AFAP1: variants seen among roughly 807,000 people sequenced by gnomAD.
AFAP1 encodes the protein actin filament associated protein 1.
A neutral mutation model predicts 93.9 loss-of-function variants in AFAP1; 75 were observed. That is an observed-to-expected ratio of 0.80 (90% CI 0.66 to 0.97). The LOEUF (loss-of-function observed/expected upper bound fraction) is 0.97. Among genes scored for constraint, AFAP1 ranks in the 50% least tolerant of loss-of-function variants. The pLI, the probability that AFAP1 is intolerant of heterozygous loss-of-function variation, is 0.00. For synonymous variants in AFAP1, 517 were observed against 430.7 expected, an observed-to-expected ratio of 1.20 and a Z score of -2.48; for missense variants, 1,201 against 1,050.8, an observed-to-expected ratio of 1.14 and a Z score of -1.98.
intron 7 of AFAP1, among the ~76,000 whole-genome samples, chr4:7,817,819 A>T (rs1172925277): frequency 6.6e-6 from 1 of 150,518 alleles, no homozygotes; most frequent in East Asian, 1.9e-4. Flanking sequence ...CCAAACCATT[A>T]AAAAAAAACC....
At chr4:7,848,229 C>T (rs1292809848) in intron 4 of AFAP1, among the ~76,000 whole-genome samples, 6 of 41,886 alleles carry the variant, frequency 1.4e-4, no homozygotes, top group East Asian at 1.1e-3. Flanking sequence ...GAGGGAGGGA[C>T]GGATGGAGGG....
intron 9 of AFAP1, among the ~76,000 whole-genome samples, chr4:7,801,904 G>C (rs1328200825): frequency 3.5e-5 from 3 of 86,916 alleles, no homozygotes; most frequent in Non-Finnish European, 4.0e-5. Context: ...AACACAGTGA[G>C]ACCCTATCAC....
chr4:7,914,058 C>CT (rs748005244), intron 1 of AFAP1, among the ~76,000 whole-genome samples: 14,298 of 144,744 alleles, frequency 0.099, 874 homozygotes, highest in African/African-American at 0.17. Flanking sequence ...ACTATATATT[C>CT]TTTTTTTTTT....
intron 1 of AFAP1, among the ~76,000 whole-genome samples, chr4:7,926,925 G>A (rs554726762): frequency 6.6e-6 from 1 of 152,282 alleles, no homozygotes; most frequent in African/African-American, 2.4e-5. Context: ...TAGTAGAGAA[G>A]GGGTTTCAAC....
chr4:7,908,252 G>A (rs1337923020), intron 1 of AFAP1, among the ~76,000 whole-genome samples: 1 of 152,006 alleles, frequency 6.6e-6, no homozygotes, highest in East Asian at 1.9e-4. Flanking sequence ...TTAACATGGA[G>A]CCCAAGTTCC....
chr4:7,928,000 ATAC>A (rs1720862492), intron 1 of AFAP1, among the ~76,000 whole-genome samples: 1 of 152,198 alleles, frequency 6.6e-6, no homozygotes, highest in Non-Finnish European at 1.5e-5. Context: ...GATCTATACT[ATAC>A]AAACCAATGC....
At chr4:7,771,611 T>C (rs1311027769) in intron 16 of AFAP1, among the ~76,000 whole-genome samples, 2 of 152,096 alleles carry the variant, frequency 1.3e-5, no homozygotes, top group African/African-American at 4.8e-5. Context: ...CCACACACAG[T>C]CTATGCAGCG....
intron 1 of AFAP1, among the ~76,000 whole-genome samples, chr4:7,916,176 C>T (rs1291157395): frequency 1.3e-5 from 2 of 152,266 alleles, no homozygotes; most frequent in East Asian, 1.9e-4. Context: ...AAAGAAACCA[C>T]GGCACAAAAG....
chr4:7,889,704 T>TA (rs79942195), intron 1 of AFAP1, among the ~76,000 whole-genome samples: 20,562 of 144,478 alleles, frequency 0.14, 1,733 homozygotes, highest in East Asian at 0.41. Context: ...TTTTTTTTTT[T>TA]AAAAAAAGAA....
chr4:7,921,028 T>A (rs1290420576), intron 1 of AFAP1, among the ~76,000 whole-genome samples: 1 of 151,756 alleles, frequency 6.6e-6, no homozygotes, highest in Non-Finnish European at 1.5e-5. Context: ...ATATGGGTTT[T>A]TTTAATACCA....
rs201335809 is a variant in AFAP1 at position 7,863,748 on chromosome 4, AG to A, written c.225+4873del. On this transcript the variant is annotated intron_variant, in intron 3 of 17. Transcript: ENST00000420658. The stretch of plus-strand genomic sequence containing the variant: ...TATGAAGCACTATTAGACACTAAAA[AG>A]GATAAAAAAGTAAAAGACAACCTTA... Among the ~76,000 whole-genome samples the A allele has an allele frequency of 7.4e-3, 1,129 of 152,320 alleles. 18 individuals carry two copies. The highest frequency in any genetic ancestry group is 0.025 in the African/African-American group (1,057 of 41,554).
chr4:7,858,510 C>A (rs1267301317), intron 3 of AFAP1, among the ~76,000 whole-genome samples: 5 of 152,110 alleles, frequency 3.3e-5, no homozygotes, highest in Non-Finnish European at 5.9e-5. Flanking sequence ...AAACTGTCAC[C>A]ACCACTGCTT....
chr4:7,917,553 G>A (rs1720154140), intron 1 of AFAP1, among the ~76,000 whole-genome samples: 1 of 152,012 alleles, frequency 6.6e-6, no homozygotes, highest in African/African-American at 2.4e-5. Context: ...AATTTTTCTG[G>A]AGAAACAAGC....
chr4:7,817,066 C>T (rs2149066346), intron 7 of AFAP1, among the ~76,000 whole-genome samples: 1 of 152,168 alleles, frequency 6.6e-6, no homozygotes, highest in South Asian at 2.1e-4. Flanking sequence ...GCAGAATTGC[C>T]AATTCTGGTG....
intron 1 of AFAP1, among the ~76,000 whole-genome samples, chr4:7,931,032 G>C (rs1721035951): frequency 6.6e-6 from 1 of 152,176 alleles, no homozygotes; most frequent in African/African-American, 2.4e-5. Context: ...GATAAGTCAT[G>C]AGCTACCGTG....
At chr4:7,846,297 T>C (rs1713691083) in intron 4 of AFAP1, among the ~76,000 whole-genome samples, 1 of 152,256 alleles carries the variant, frequency 6.6e-6, no homozygotes, top group South Asian at 2.1e-4. Flanking sequence ...ATGCACTTTC[T>C]GGTAAATGTA....
intron 9 of AFAP1, among the ~76,000 whole-genome samples, chr4:7,801,886 G>T (rs903596648): frequency 5.3e-5 from 6 of 114,110 alleles, no homozygotes; most frequent in African/African-American, 2.1e-4. Context: ...TTCAAGATCA[G>T]CCTGAGCAAC....
intron 1 of AFAP1, among the ~76,000 whole-genome samples, chr4:7,889,582 A>G (rs1365470346): frequency 1.3e-5 from 2 of 151,124 alleles, no homozygotes; most frequent in Non-Finnish European, 2.9e-5. Flanking sequence ...GCATACATAT[A>G]AAAACTAAAG....
chr4:7,928,696 G>C (rs79926721), intron 1 of AFAP1, among the ~76,000 whole-genome samples: 150 of 152,278 alleles, frequency 9.9e-4, no homozygotes, highest in East Asian at 5.8e-3. Context: ...TACTTTACCA[G>C]TTTTATTCCT....
Sources: allele counts gnomAD v4.1 joint callset (sites outside exome capture counted in the v4.1 genomes callset), GRCh38; gene constraint gnomAD v4.1.1; transcripts MANE v1.5; gene names NCBI Gene and HGNC (gene_info 2026-07-23, HGNC 2026-07-21).